Variants in PPARGC1A observed in about 807,000 individuals in gnomAD.
PPARGC1A encodes the protein peroxisome proliferator-activated receptor gamma coactivator 1-alpha.
PPARGC1A carries 25 observed loss-of-function variants against 88.7 expected under a neutral mutation model. The observed-to-expected ratio is 0.28, with a 90% CI of 0.21 to 0.39. The LOEUF (loss-of-function observed/expected upper bound fraction) is 0.39. Among genes scored for constraint, PPARGC1A ranks in the 10% least tolerant of loss-of-function variants. PPARGC1A has a pLI of 1.00. For synonymous variants in PPARGC1A, 363 were observed against 355.6 expected (o/e 1.02, Z -0.24); for missense variants, 880 against 968.7 (o/e 0.91, Z 1.22).
the PPARGC1A span, among the ~76,000 whole-genome samples, chr4:24,046,322 G>A: frequency 6.6e-6 from 1 of 152,092 alleles, no homozygotes; most frequent in Non-Finnish European, 1.5e-5. Flanking sequence ...AGTAGTTGTT[G>A]AACCTTCTCT....
At chr4:24,072,543 G>C in the PPARGC1A span, among the ~76,000 whole-genome samples, 1 of 152,028 alleles carries the variant, frequency 6.6e-6, no homozygotes, top group Non-Finnish European at 1.5e-5. Context: ...CAGTTGGAAA[G>C]TTTTAACTTT....
the PPARGC1A span, among the ~76,000 whole-genome samples, chr4:24,179,363 C>T: frequency 6.6e-5 from 10 of 152,164 alleles, no homozygotes; most frequent in Non-Finnish European, 1.5e-4. Context: ...CATCCCAGGG[C>T]AGAGTCTCTT....
chr4:24,392,663 T>C, the PPARGC1A span, among the ~76,000 whole-genome samples: 7 of 152,272 alleles, frequency 4.6e-5, no homozygotes, highest in African/African-American at 1.7e-4. Flanking sequence ...ATTAATCCAA[T>C]TTAATTGATG....
chr4:24,209,011 G>T, the PPARGC1A span, among the ~76,000 whole-genome samples: 4 of 152,086 alleles, frequency 2.6e-5, no homozygotes, highest in Non-Finnish European at 5.9e-5. Context: ...CATGCTCTTA[G>T]CTACCAAGCC....
At position 23,812,681 on chromosome 4, in the gene PPARGC1A, CA is replaced by C. The variant is rs564752073; in HGVS notation, c.2019+65del. The C allele has an allele frequency of 1.1e-5, 18 of 1,597,068 alleles. No individual in the cohort carries two copies. The African/African-American group carries it at 1.5e-4, about 13-fold the overall frequency. ...TTTTGTTTATTTTCTAATCTATCAC[CA>C]AAAAAAGCACACAGAAAAAGAAGAA... is the stretch of plus-strand genomic sequence containing the variant. On this transcript the variant is annotated intron_variant, in intron 10 of 12. Transcript: ENST00000264867.
chr4:23,895,970 G>A (rs1577688191), intron 1 of PPARGC1A, among the ~76,000 whole-genome samples: 1 of 48,848 alleles, frequency 2.0e-5, no homozygotes, highest in South Asian at 5.5e-4. Context: ...GTGTGTGTGT[G>A]TGTGTGTGTG....
the PPARGC1A span, among the ~76,000 whole-genome samples, chr4:24,109,626 A>G: frequency 6.6e-6 from 1 of 152,176 alleles, no homozygotes; most frequent in African/African-American, 2.4e-5. Flanking sequence ...AAGTCTATTT[A>G]GCATTTATAT....
intron 7 of PPARGC1A, among the ~76,000 whole-genome samples, chr4:23,821,110 C>T (rs1722932109): frequency 6.6e-6 from 1 of 152,082 alleles, no homozygotes; most frequent in Admixed American, 6.6e-5. Context: ...CAGACAGTAC[C>T]AATCAATGAC....
chr4:24,268,325 A>G, the PPARGC1A span, among the ~76,000 whole-genome samples: 1 of 152,250 alleles, frequency 6.6e-6, no homozygotes, highest in East Asian at 1.9e-4. Flanking sequence ...TATGAGTTCA[A>G]TCAGCATCCA....
the PPARGC1A span, among the ~76,000 whole-genome samples, chr4:24,336,403 T>C: frequency 4.6e-5 from 7 of 152,190 alleles, no homozygotes. Flanking sequence ...GAACTGGATT[T>C]TTTTCACGGC....
At chr4:24,203,033 A>T in the PPARGC1A span, among the ~76,000 whole-genome samples, 2 of 152,280 alleles carry the variant, frequency 1.3e-5, no homozygotes, top group South Asian at 4.1e-4. Context: ...TGGCCCCAAA[A>T]GGGACTTACA....
At chr4:24,353,819 T>C in the PPARGC1A span, among the ~76,000 whole-genome samples, 1 of 152,192 alleles carries the variant, frequency 6.6e-6, no homozygotes, top group African/African-American at 2.4e-5. Context: ...TTGATTTTGA[T>C]AGGAAACGAC....
chr4:24,339,212 G>GTGTGTATATA, the PPARGC1A span, among the ~76,000 whole-genome samples: 1 of 59,046 alleles, frequency 1.7e-5, no homozygotes, highest in African/African-American at 4.6e-5. Context: ...GTGTGTGTGT[G>GTGTGTATATA]TATATATATA....
the PPARGC1A span, among the ~76,000 whole-genome samples, chr4:23,937,555 C>A: frequency 6.6e-6 from 1 of 151,212 alleles, no homozygotes; most frequent in Non-Finnish European, 1.5e-5. Flanking sequence ...TAAAAATAAC[C>A]CAGGTCATTA....
the PPARGC1A span, among the ~76,000 whole-genome samples, chr4:24,127,944 AT>A: frequency 6.6e-6 from 1 of 152,158 alleles, no homozygotes; most frequent in Non-Finnish European, 1.5e-5. Flanking sequence ...ACTAGTTTCC[AT>A]TTTTTCTATG....
the PPARGC1A span, among the ~76,000 whole-genome samples, chr4:24,012,280 A>G: frequency 2.0e-5 from 3 of 152,142 alleles, no homozygotes; most frequent in African/African-American, 2.4e-5. Flanking sequence ...TAGGGTGACC[A>G]CAGAGTTGGT....
At chr4:24,030,912 T>C in the PPARGC1A span, among the ~76,000 whole-genome samples, 1 of 152,098 alleles carries the variant, frequency 6.6e-6, no homozygotes, top group Non-Finnish European at 1.5e-5. Context: ...AGGCACTAAG[T>C]AAGATATTCA....
intron 10 of PPARGC1A, among the ~76,000 whole-genome samples, chr4:23,808,124 A>G (rs1720192006): frequency 6.6e-6 from 1 of 151,676 alleles, no homozygotes; most frequent in African/African-American, 2.4e-5. Context: ...GGTGGTGGAT[A>G]CCTGTAGTCC....
chr4:24,249,003 T>C, the PPARGC1A span, among the ~76,000 whole-genome samples: 166 of 152,334 alleles, frequency 1.1e-3, no homozygotes, highest in African/African-American at 3.8e-3. Context: ...AGATCTCATA[T>C]TGACAGGCAA....
Sources: gnomAD v4.1 joint callset for allele counts (sites outside exome capture counted in the v4.1 genomes callset) on GRCh38, gnomAD v4.1.1 for gene constraint, MANE v1.5 for transcripts, NCBI Gene and HGNC (gene_info 2026-07-23, HGNC 2026-07-21) for gene names.